SORCS3: variants seen among roughly 807,000 people sequenced by gnomAD.
SORCS3 encodes the protein sortilin related VPS10 domain containing receptor 3, also known as VPS10 domain-containing receptor SorCS3.
In SORCS3, 57 loss-of-function variants were observed where a neutral mutation model predicts 146.3. That is an observed-to-expected ratio of 0.39 (90% CI 0.31 to 0.49). The LOEUF is 0.49. Among genes scored for constraint, SORCS3 ranks in the 20% least tolerant of loss-of-function variants. The pLI, the probability that SORCS3 is intolerant of heterozygous loss-of-function variation, is 0.92. For synonymous variants in SORCS3, 653 were observed against 618.5 expected (o/e 1.06, Z -0.83); for missense variants, 1,341 against 1,575.5 (o/e 0.85, Z 2.52).
At chr10:104,912,305 A>G (rs1482545836) in intron 2 of SORCS3, among the ~76,000 whole-genome samples, 4 of 152,194 alleles carry the variant, frequency 2.6e-5, no homozygotes, top group Admixed American at 1.3e-4. Context: ...AAGAGTGTAG[A>G]ATTAAGAAGT....
intron 2 of SORCS3, among the ~76,000 whole-genome samples, chr10:104,893,567 G>T (rs1018058277): frequency 6.6e-6 from 1 of 152,138 alleles, no homozygotes; most frequent in Non-Finnish European, 1.5e-5. Context: ...CAAGCCTTTT[G>T]TCCCACTTGT....
chr10:104,732,208 C>T (rs1012300703), intron 1 of SORCS3, among the ~76,000 whole-genome samples: 5 of 152,138 alleles, frequency 3.3e-5, no homozygotes, highest in African/African-American at 1.2e-4. Flanking sequence ...ATAAGAGCTC[C>T]AACATGTGCA....
chr10:105,210,220 A>G (rs568605963), intron 16 of SORCS3, among the ~76,000 whole-genome samples: 1 of 152,162 alleles, frequency 6.6e-6, no homozygotes, highest in Non-Finnish European at 1.5e-5. Flanking sequence ...GTTCTGAGAA[A>G]GCAACTTCTT....
intron 1 of SORCS3, among the ~76,000 whole-genome samples, chr10:104,808,964 A>G (rs577143903): frequency 1.6e-4 from 25 of 152,318 alleles, no homozygotes; most frequent in Non-Finnish European, 3.1e-4. Flanking sequence ...AAATCAACCC[A>G]TTGATTGCGT....
At chr10:104,846,956 A>C (rs1351722375) in intron 2 of SORCS3, among the ~76,000 whole-genome samples, 1 of 152,158 alleles carries the variant, frequency 6.6e-6, no homozygotes, top group Non-Finnish European at 1.5e-5. Flanking sequence ...ATCCATCTTC[A>C]AAAATGGAAA....
chr10:104,888,593 C>A (rs542020842), intron 2 of SORCS3, among the ~76,000 whole-genome samples: 1 of 152,050 alleles, frequency 6.6e-6, no homozygotes, highest in Non-Finnish European at 1.5e-5. Context: ...AAGAATAAAA[C>A]CTTGGAAATG....
chr10:104,646,258 C>T (rs2015494592), intron 1 of SORCS3, among the ~76,000 whole-genome samples: 1 of 152,108 alleles, frequency 6.6e-6, no homozygotes. Context: ...GCAGAAGTTG[C>T]AGATTCCTTA....
At chr10:104,966,504 T>C (rs2054827111) in intron 3 of SORCS3, among the ~76,000 whole-genome samples, 1 of 152,178 alleles carries the variant, frequency 6.6e-6, no homozygotes, top group Non-Finnish European at 1.5e-5. Context: ...TTTTTTTATA[T>C]TTAGAGAAAA....
At chr10:104,715,517 G>A (rs964088082) in intron 1 of SORCS3, among the ~76,000 whole-genome samples, 8 of 152,112 alleles carry the variant, frequency 5.3e-5, no homozygotes, top group Non-Finnish European at 1.0e-4. Flanking sequence ...CCATAATTGC[G>A]TGAGCCAATT....
At chr10:105,259,376 A>G (rs1270293258) in intron 25 of SORCS3, among the ~76,000 whole-genome samples, 1 of 152,204 alleles carries the variant, frequency 6.6e-6, no homozygotes, top group Non-Finnish European at 1.5e-5. Flanking sequence ...AATTGCCAGT[A>G]TTAACACATT....
chr10:104,843,862 T>C (rs895502270), intron 2 of SORCS3, among the ~76,000 whole-genome samples: 1 of 152,172 alleles, frequency 6.6e-6, no homozygotes, highest in Non-Finnish European at 1.5e-5. Context: ...TTTTCTCCCA[T>C]TTACCTTGTG....
At chr10:104,787,348 A>C (rs1205577521) in intron 1 of SORCS3, among the ~76,000 whole-genome samples, 1 of 152,176 alleles carries the variant, frequency 6.6e-6, no homozygotes, top group Non-Finnish European at 1.5e-5. Context: ...GCATAATAAT[A>C]ATTTTGCAGA....
intron 1 of SORCS3, among the ~76,000 whole-genome samples, chr10:104,758,386 TCTCA>T (rs1464859304): frequency 6.6e-6 from 1 of 152,196 alleles, no homozygotes; most frequent in Admixed American, 6.5e-5. Flanking sequence ...ATGGCTATAA[TCTCA>T]CTCATTTATT....
chr10:104,796,817 C>G (rs1334413241), intron 1 of SORCS3, among the ~76,000 whole-genome samples: 1 of 152,182 alleles, frequency 6.6e-6, no homozygotes, highest in African/African-American at 2.4e-5. Context: ...GCAGACCACA[C>G]TTTCAGGGTA....
At chr10:105,072,215 A>G (rs771354018) in intron 5 of SORCS3, among the ~76,000 whole-genome samples, 2 of 152,152 alleles carry the variant, frequency 1.3e-5, no homozygotes, top group Non-Finnish European at 2.9e-5. Flanking sequence ...GTGGGCTCTA[A>G]TTAGAAGCTA....
chr10:104,799,372 G>T (rs530625594), intron 1 of SORCS3, among the ~76,000 whole-genome samples: 2 of 152,274 alleles, frequency 1.3e-5, no homozygotes, highest in Non-Finnish European at 2.9e-5. Context: ...CCATAAAAAA[G>T]GATGAGTTCA....
intron 1 of SORCS3, among the ~76,000 whole-genome samples, chr10:104,688,172 T>C (rs2016070045): frequency 6.6e-6 from 1 of 152,218 alleles, no homozygotes; most frequent in Non-Finnish European, 1.5e-5. Flanking sequence ...CTGGATTGCC[T>C]CCTCCGTCTT....
chr10:105,002,482 T>TGCAG (rs2055068165), intron 4 of SORCS3, among the ~76,000 whole-genome samples: 1 of 152,164 alleles, frequency 6.6e-6, no homozygotes, highest in Non-Finnish European at 1.5e-5. Flanking sequence ...AGCCGGGGTA[T>TGCAG]AAGGGCCACA....
intron 5 of SORCS3, among the ~76,000 whole-genome samples, chr10:105,060,029 C>T (rs139849912): frequency 1.6e-3 from 242 of 152,242 alleles, no homozygotes; most frequent in Admixed American, 3.3e-3. Flanking sequence ...CAAGTTGAGA[C>T]AACTGGACAA....
Sources: allele counts gnomAD v4.1 joint callset (sites outside exome capture counted in the v4.1 genomes callset), GRCh38; gene constraint gnomAD v4.1.1; transcripts MANE v1.5; gene names NCBI Gene and HGNC (gene_info 2026-07-23, HGNC 2026-07-21).